Variants in TM9SF2 observed in about 807,000 individuals in gnomAD.
The protein encoded by TM9SF2 is transmembrane 9 superfamily member 2.
In TM9SF2, 13 loss-of-function variants were observed where a neutral mutation model predicts 84.9. The observed-to-expected ratio is 0.15, with a 90% CI of 0.10 to 0.24. The LOEUF (loss-of-function observed/expected upper bound fraction) is 0.24. Ranked by LOEUF, TM9SF2 falls within the 10% of genes least tolerant of loss-of-function variation. The pLI is 1.00. For synonymous variants in TM9SF2, 273 were observed against 285.8 expected (o/e 0.96, Z 0.45); for missense variants, 562 against 818.5 (o/e 0.69, Z 3.82).
rs139798400 is a variant in TM9SF2, at chr13:99,563,893, T to G, written c.*1135T>G. 2.8e-4 allele frequency: 42 copies of G among 152,346 alleles called. No individual in the cohort carries two copies. The highest frequency in any genetic ancestry group is 9.6e-4 in the African/African-American group (40 of 41,578). 9.4% of individuals were successfully genotyped at this position (152,346 alleles called of 1,614,324 possible). A position where few individuals can be genotyped will look rare whatever the true frequency, so the allele number is the denominator to read the frequency against. On this transcript the variant is annotated 3_prime_UTR_variant, in exon 17 of 17. Transcript: ENST00000376387. Reference sequence around the variant, plus strand: ...AGAATATAGGAATGGGGGGTGATTCTGAAGTATCGGTCTGCTTGTATCTGT... The same window carrying G: ...AGAATATAGGAATGGGGGGTGATTCGGAAGTATCGGTCTGCTTGTATCTGT...
intron 1 of TM9SF2, among the ~76,000 whole-genome samples, chr13:99,511,017 TCTC>T (rs1171890582): frequency 6.6e-6 from 1 of 152,188 alleles, no homozygotes; most frequent in Non-Finnish European, 1.5e-5. Flanking sequence ...TAAATTGGCT[TCTC>T]CTGAGATCAT....
At chr13:99,533,488 A>G (rs1015403179) in intron 4 of TM9SF2, among the ~76,000 whole-genome samples, 1 of 152,164 alleles carries the variant, frequency 6.6e-6, no homozygotes, top group Non-Finnish European at 1.5e-5. Flanking sequence ...GTCAAGTAAC[A>G]TTGTAAATCT....
chr13:99,557,970 G>T (rs1354196321), intron 15 of TM9SF2, among the ~76,000 whole-genome samples: 7 of 152,200 alleles, frequency 4.6e-5, no homozygotes, highest in African/African-American at 1.7e-4. Context: ...ATGTATTTAA[G>T]TCATTGATCT....
chr13:99,526,472 A>G (rs2046184073), intron 3 of TM9SF2, among the ~76,000 whole-genome samples: 1 of 152,220 alleles, frequency 6.6e-6, no homozygotes, highest in Admixed American at 6.5e-5. Context: ...AAAAGGAGTA[A>G]GAGACAGTGA....
In TM9SF2 at chr13:99,539,488, C is replaced by T. The variant is rs748080958; in HGVS notation, c.759C>T (p.Pro253=). The T allele has an allele frequency of 6.2e-7, 1 of 1,613,844 alleles. No homozygotes were observed. Among genetic ancestry groups the T allele is most frequent in the Middle Eastern group, 1.7e-4 (1 of 6,060 alleles). Residue 253 remains proline (P), a synonymous_variant, in exon 7 of 17, where the codon CCC becomes CCT. Coordinates refer to ENST00000376387, the MANE Select transcript of TM9SF2 (RefSeq NM_004800.3). ...THIDKPDCSG[P]PMDISNKASG... is the part of the protein sequence containing the mutation. ...TAGATAAACCAGACTGCTCAGGGCC[C>T]CCCATGGACATAAGTAACAAGGCTT... is the stretch of plus-strand genomic sequence containing the variant.
At chr13:99,535,893 C>A (rs1187564907) in intron 4 of TM9SF2, among the ~76,000 whole-genome samples, 1 of 152,084 alleles carries the variant, frequency 6.6e-6, no homozygotes, top group East Asian at 1.9e-4. Context: ...TATTTAAGTC[C>A]TTTTTCACTA....
rs768101394 is a variant in TM9SF2 at position 99,501,781 on chromosome 13, G to C, written c.171+4G>C. ...AAAAAAGAGCGACGAGTGCAAGGTG[G>C]GTGAGGCCTGACGAGCCCTCTGATG... On this transcript the variant is annotated splice_donor_region_variant and intron_variant, in intron 1 of 16. Coordinates refer to ENST00000376387, the MANE Select transcript of TM9SF2 (RefSeq NM_004800.3). 6.2e-7 allele frequency: 1 copy of C among 1,608,882 alleles called. No homozygotes were observed. The highest frequency in any genetic ancestry group is 1.7e-5 in the Admixed American group (1 of 59,230).
chr13:99,516,307 C>G (rs1297072351), intron 1 of TM9SF2, among the ~76,000 whole-genome samples: 1 of 152,224 alleles, frequency 6.6e-6, no homozygotes, highest in Non-Finnish European at 1.5e-5. Flanking sequence ...GTGTAGAGGA[C>G]TGTTGACAGC....
intron 1 of TM9SF2, among the ~76,000 whole-genome samples, chr13:99,503,433 G>A (rs182931295): frequency 5.5e-4 from 84 of 152,350 alleles, no homozygotes; most frequent in African/African-American, 2.0e-3. Context: ...ACAGGGCCAG[G>A]TGTGGTGGCT....
chr13:99,508,182 A>G (rs2046096349), intron 1 of TM9SF2, among the ~76,000 whole-genome samples: 3 of 152,164 alleles, frequency 2.0e-5, no homozygotes, highest in Admixed American at 2.0e-4. Flanking sequence ...CTTCCTTAAA[A>G]TGTTTCATGT....
intron 10 of TM9SF2, 124 bp downstream of exon 10, chr13:99,544,119 A>C: frequency 9.7e-7 from 1 of 1,035,184 alleles, no homozygotes. Context: ...TGGGAGGCCA[A>C]GGCGGGTGGA....
intron 1 of TM9SF2, among the ~76,000 whole-genome samples, chr13:99,513,454 G>A (rs2046121698): frequency 6.6e-6 from 1 of 152,168 alleles, no homozygotes; most frequent in Non-Finnish European, 1.5e-5. Context: ...GACATCATAA[G>A]CTAAGCAAAA....
rs200456222 is a variant in TM9SF2 at position 99,539,542 on chromosome 13, C to T, written c.813C>T (p.Tyr271=). 6 of 1,604,206 alleles carry T rather than the reference C, an allele frequency of 3.7e-6. No individual in the cohort carries two copies. Among genetic ancestry groups the T allele is most frequent in the Non-Finnish European group, 5.1e-6 (6 of 1,171,014 alleles). Residue 271 remains tyrosine (Y), a synonymous_variant, in exon 7 of 17, where the codon TAC becomes TAT. Transcript: ENST00000376387. ...GGGAGATAAAAATTGCCTATACTTACTCTGTTAGCTTCGAGGTGAGTCTGT... is the reference window on the plus strand; with the variant it reads ...GGGAGATAAAAATTGCCTATACTTATTCTGTTAGCTTCGAGGTGAGTCTGT... ...ASGEIKIAYT[Y]SVSFEEDDKI...
chr13:99,534,631 G>GAA (rs1178999033), intron 4 of TM9SF2, among the ~76,000 whole-genome samples: 1 of 152,228 alleles, frequency 6.6e-6, no homozygotes, highest in Non-Finnish European at 1.5e-5. Context: ...GTTACTAAGT[G>GAA]AAGCTTGATT....
chr13:99,522,102 C>A (rs1020136787), intron 3 of TM9SF2, among the ~76,000 whole-genome samples: 2 of 152,110 alleles, frequency 1.3e-5, no homozygotes, highest in Non-Finnish European at 2.9e-5. Flanking sequence ...CTCACTGTAA[C>A]CTCCGCCTCC....
intron 16 of TM9SF2, among the ~76,000 whole-genome samples, chr13:99,562,026 T>C (rs1171837326): frequency 6.6e-6 from 1 of 152,238 alleles, no homozygotes; most frequent in East Asian, 1.9e-4. Flanking sequence ...TAATAGTCTA[T>C]GGAGGCAATG....
intron 1 of TM9SF2, among the ~76,000 whole-genome samples, chr13:99,502,175 G>C (rs1193617817): frequency 6.6e-5 from 10 of 152,244 alleles, no homozygotes; most frequent in Admixed American, 6.5e-4. Flanking sequence ...GAGGAAGCGG[G>C]TGACCGACTC....
At chr13:99,529,440 T>C in intron 3 of TM9SF2, 27 bp from the exon 4 acceptor site, 1 of 1,481,068 alleles carries the variant, frequency 6.8e-7, no homozygotes, top group South Asian at 1.5e-5. Flanking sequence ...TTTTTCTGAA[T>C]TTGCTTTCCA....
Position 99,555,491 on chromosome 13 carries a change from A to G in TM9SF2, c.1641-45A>G, listed in dbSNP as rs894970031. 18 of 1,431,096 alleles carry G rather than the reference A, an allele frequency of 1.3e-5. No individual in the cohort carries two copies. The African/African-American group carries it at 2.5e-4, about 20-fold the overall frequency. 88.6% of individuals were successfully genotyped at this position (1,431,096 alleles called of 1,614,324 possible). ...AAAAGATTGTGTTATGTATTGTGTCAAATTGAAAATATTTATAGTTCCTTC... is the reference window on the plus strand; with the variant it reads ...AAAAGATTGTGTTATGTATTGTGTCGAATTGAAAATATTTATAGTTCCTTC... On this transcript the variant is annotated intron_variant, in intron 14 of 16. Transcript: ENST00000376387.
Sources: gnomAD v4.1 joint callset for allele counts (sites outside exome capture counted in the v4.1 genomes callset) on GRCh38, gnomAD v4.1.1 for gene constraint, MANE v1.5 for transcripts, NCBI Gene and HGNC (gene_info 2026-07-23, HGNC 2026-07-21) for gene names.